Variants in UQCC6 observed in about 807,000 individuals in gnomAD.
UQCC6 encodes the protein ubiquinol-cytochrome c reductase complex assembly factor 6, also known as protein BRAWNIN.
At chr12:103,954,349 C>G in the UQCC6 span, among the ~76,000 whole-genome samples, 1 of 152,060 alleles carries the variant, frequency 6.6e-6, no homozygotes, top group African/African-American at 2.4e-5. Flanking sequence ...GCTCTTGGTT[C>G]TGCAGGCTGT....
the UQCC6 span, chr12:103,950,688 G>C: frequency 6.6e-6 from 1 of 152,256 alleles, no homozygotes; most frequent in East Asian, 1.9e-4. Flanking sequence ...GGAAGAAAAT[G>C]TATCTTATTG....
chr12:103,951,457 G>A, the UQCC6 span: 3 of 930,792 alleles, frequency 3.2e-6, no homozygotes, highest in Non-Finnish European at 3.3e-6. Flanking sequence ...AGGACAAGTA[G>A]TTTGATGCAA....
At chr12:103,965,415 C>A in the UQCC6 span, 20 of 152,262 alleles carry the variant, frequency 1.3e-4, no homozygotes, top group African/African-American at 4.8e-4. Flanking sequence ...GCTTTACATT[C>A]ACCCTCATTT....
the UQCC6 span, chr12:103,951,606 G>A: frequency 0.031 from 47,931 of 1,539,062 alleles, 1,860 homozygotes; most frequent in East Asian, 0.17. Flanking sequence ...AGTTCTCCAC[G>A]CTTTGGTGGA....
the UQCC6 span, chr12:103,956,892 C>T: frequency 3.4e-6 from 2 of 594,678 alleles, no homozygotes; most frequent in African/African-American, 1.9e-5. Flanking sequence ...CCCAACCCCA[C>T]GCCTCGGTTT....
At chr12:103,962,752 G>C in the UQCC6 span, among the ~76,000 whole-genome samples, 1 of 152,244 alleles carries the variant, frequency 6.6e-6, no homozygotes, top group Non-Finnish European at 1.5e-5. Flanking sequence ...CTGCGTCTGA[G>C]CTGCTACTCT....
the UQCC6 span, chr12:103,956,726 C>T: frequency 1.6e-5 from 25 of 1,551,134 alleles, no homozygotes; most frequent in South Asian, 2.4e-4. Flanking sequence ...GACATGGGCA[C>T]GCCCGCGGGC....
At chr12:103,953,287 C>T in the UQCC6 span, 1 of 696,306 alleles carries the variant, frequency 1.4e-6, no homozygotes, top group East Asian at 2.7e-5. Flanking sequence ...CAAGTTAATC[C>T]AATGGGATCT....
chr12:103,954,231 C>G, the UQCC6 span, among the ~76,000 whole-genome samples: 4 of 152,334 alleles, frequency 2.6e-5, no homozygotes, highest in African/African-American at 9.6e-5. Context: ...CTCCTATTCA[C>G]ATGAAGGAAA....
chr12:103,957,099 T>G, the UQCC6 span: 1 of 274,082 alleles, frequency 3.6e-6, no homozygotes, highest in Admixed American at 4.7e-5. Context: ...TGGACTTCAC[T>G]CCTCTCTGCC....
the UQCC6 span, among the ~76,000 whole-genome samples, chr12:103,963,150 T>C: frequency 5.3e-5 from 8 of 151,378 alleles, no homozygotes; most frequent in East Asian, 1.4e-3. Flanking sequence ...CTCAGCTCAC[T>C]GCAACCTCCA....
the UQCC6 span, chr12:103,951,615 G>A: frequency 1.6e-4 from 248 of 1,533,160 alleles, no homozygotes; most frequent in Middle Eastern, 6.7e-4. Context: ...CGCTTTGGTG[G>A]AATTTCAGGT....
At chr12:103,951,990 C>T in the UQCC6 span, among the ~76,000 whole-genome samples, 9 of 152,076 alleles carry the variant, frequency 5.9e-5, no homozygotes, top group Non-Finnish European at 1.0e-4. Flanking sequence ...AGAAAATAGG[C>T]GTTAGGAATT....
At chr12:103,956,690 T>C in the UQCC6 span, 1 of 1,551,736 alleles carries the variant, frequency 6.4e-7, no homozygotes, top group Non-Finnish European at 8.7e-7. Flanking sequence ...GCCAGGAGAC[T>C]GGCTGCGAAC....
chr12:103,951,267 T>A, the UQCC6 span: 1 of 316,732 alleles, frequency 3.2e-6, no homozygotes, highest in African/African-American at 2.1e-5. Flanking sequence ...CTTACAAATA[T>A]TCTATTTCGC....
chr12:103,963,318 T>C, the UQCC6 span, among the ~76,000 whole-genome samples: 1 of 152,166 alleles, frequency 6.6e-6, no homozygotes, highest in Non-Finnish European at 1.5e-5. Flanking sequence ...TTGGGTGATC[T>C]GCCCGCCTCG....
chr12:103,956,705 T>G, the UQCC6 span: 3 of 1,551,628 alleles, frequency 1.9e-6, no homozygotes, highest in Non-Finnish European at 2.6e-6. Context: ...GCGAACATTT[T>G]CAGGTAGGTG....
chr12:103,953,790 G>T, the UQCC6 span: 1 of 540,580 alleles, frequency 1.8e-6, no homozygotes, highest in Non-Finnish European at 3.3e-6. Context: ...GGTACAGGTA[G>T]CTGCTGTAAC....
the UQCC6 span, chr12:103,957,095 T>C: frequency 3.6e-6 from 1 of 281,630 alleles, no homozygotes; most frequent in Non-Finnish European, 7.0e-6. Context: ...ACTGTGGACT[T>C]CACTCCTCTC....
Sources: allele counts gnomAD v4.1 joint callset (sites outside exome capture counted in the v4.1 genomes callset), GRCh38; gene constraint gnomAD v4.1.1; transcripts MANE v1.5; gene names NCBI Gene and HGNC (gene_info 2026-07-23, HGNC 2026-07-21).